The following CAMTA1 variants were observed in gnomAD, a reference collection of about 807,000 sequenced individuals.
The protein encoded by CAMTA1 is calmodulin binding transcription activator 1.
A neutral mutation model predicts 170.9 loss-of-function variants in CAMTA1; 27 were observed. That is an observed-to-expected ratio of 0.16 (90% CI 0.12 to 0.22). The LOEUF (loss-of-function observed/expected upper bound fraction) is 0.22, where lower values mean the gene tolerates loss of function less well. CAMTA1 is among the 10% of genes least tolerant of loss of function. The pLI, the probability that CAMTA1 is intolerant of heterozygous loss-of-function variation, is 1.00. For synonymous variants in CAMTA1, 833 were observed against 891.5 expected (o/e 0.93, Z 1.17); for missense variants, 1,619 against 2,217.2 (o/e 0.73, Z 5.42).
intron 11 of CAMTA1, among the ~76,000 whole-genome samples, chr1:7,689,894 G>A (rs913466655): frequency 5.8e-4 from 88 of 151,990 alleles, no homozygotes; most frequent in African/African-American, 1.6e-3. Context: ...ACAGTGGCTC[G>A]TGCCTGTAAT....
chr1:7,759,454 T>G (rs538466454), intron 22 of CAMTA1, among the ~76,000 whole-genome samples: 2 of 152,202 alleles, frequency 1.3e-5, no homozygotes, highest in African/African-American at 2.4e-5. Context: ...TCTTAATTTA[T>G]CCAGTAACTT....
At chr1:7,360,132 A>C (rs1290015414) in intron 5 of CAMTA1, among the ~76,000 whole-genome samples, 4 of 152,158 alleles carry the variant, frequency 2.6e-5, no homozygotes, top group Non-Finnish European at 5.9e-5. Flanking sequence ...GTAATCAGTC[A>C]TATTGGATTA....
intron 20 of CAMTA1, 84 bp downstream of exon 20, chr1:7,751,476 T>C (rs999794512): frequency 4.7e-6 from 6 of 1,278,410 alleles, no homozygotes; most frequent in East Asian, 2.4e-5. Context: ...TGGGCTGACA[T>C]TGGAGTCTGG....
chr1:6,862,911 C>G lies in CAMTA1; in HGVS notation c.234+37701C>G, dbSNP rs188694929. On this transcript the variant is annotated intron_variant, in intron 3 of 22. Coordinates refer to ENST00000303635, the MANE Select transcript of CAMTA1 (RefSeq NM_015215.4). ...TAATCAAATAATCTCATCTTTTACC[C>G]AAAAAAGATAACTATTTTCTTCGGG... Among the ~76,000 whole-genome samples, 301 of 152,072 alleles carry G rather than the reference C, an allele frequency of 2.0e-3. 1 individual carries two copies. Among genetic ancestry groups the G allele is most frequent in the African/African-American group, 6.9e-3 (288 of 41,482 alleles).
intron 3 of CAMTA1, among the ~76,000 whole-genome samples, chr1:6,936,751 G>A (rs1390032959): frequency 6.6e-6 from 1 of 152,170 alleles, no homozygotes; most frequent in East Asian, 1.9e-4. Context: ...CACTTTGGGA[G>A]GCCGAGGCAG....
intron 5 of CAMTA1, among the ~76,000 whole-genome samples, chr1:7,290,901 A>C (rs1480613430): frequency 2.0e-5 from 3 of 152,072 alleles, no homozygotes; most frequent in African/African-American, 7.2e-5. Context: ...TCATTTTGCA[A>C]ATGAGGAAAT....
At chr1:6,843,936 G>A (rs1656908886) in intron 3 of CAMTA1, among the ~76,000 whole-genome samples, 1 of 152,180 alleles carries the variant, frequency 6.6e-6, no homozygotes, top group Non-Finnish European at 1.5e-5. Flanking sequence ...TACTGCTGAT[G>A]GGAATCTACA....
rs112573665 is a variant in CAMTA1 at position 6,870,853 on chromosome 1, A to C, written c.234+45643A>C. Among the ~76,000 whole-genome samples, 69 of 152,338 alleles carry C rather than the reference A, an allele frequency of 4.5e-4. 1 individual carries two copies. Among genetic ancestry groups the C allele is most frequent in the African/African-American group, 1.6e-3 (66 of 41,576 alleles). On this transcript the variant is annotated intron_variant, in intron 3 of 22. Coordinates refer to ENST00000303635, the MANE Select transcript of CAMTA1 (RefSeq NM_015215.4). ...TGCTAAAGCTTAATTTTTAGACAGG[A>C]GACACTAAAGATGATTGTGTTATGA...
chr1:6,964,374 T>G (rs1207239288), intron 3 of CAMTA1, among the ~76,000 whole-genome samples: 1 of 152,118 alleles, frequency 6.6e-6, no homozygotes, highest in Non-Finnish European at 1.5e-5. Context: ...CTGGCTGTTT[T>G]GTACAGGGGC....
At chr1:7,046,754 T>C (rs1225450889) in intron 3 of CAMTA1, among the ~76,000 whole-genome samples, 1 of 152,194 alleles carries the variant, frequency 6.6e-6, no homozygotes, top group Non-Finnish European at 1.5e-5. Context: ...TCAATAAATA[T>C]GTTTAAATTC....
At chr1:6,802,443 C>G (rs1206004442) in intron 1 of CAMTA1, among the ~76,000 whole-genome samples, 2 of 152,166 alleles carry the variant, frequency 1.3e-5, no homozygotes, top group African/African-American at 2.4e-5. Flanking sequence ...ATCCAGCAGC[C>G]TGCTGATCAT....
chr1:7,521,253 T>A (rs2094361207), intron 6 of CAMTA1, among the ~76,000 whole-genome samples: 1 of 152,200 alleles, frequency 6.6e-6, no homozygotes, highest in Admixed American at 6.5e-5. Context: ...TGATACCCCA[T>A]CAGCGCCCCC....
At chr1:6,933,785 A>C (rs1684841675) in intron 3 of CAMTA1, among the ~76,000 whole-genome samples, 2 of 151,834 alleles carry the variant, frequency 1.3e-5, no homozygotes, top group African/African-American at 4.8e-5. Flanking sequence ...ATCCATATAT[A>C]TGAAGGTCTA....
rs188402334 is a variant in CAMTA1, at chr1:7,637,450, C to T, written c.511-2950C>T. Among the ~76,000 whole-genome samples, 760 of 152,330 alleles carry T rather than the reference C, an allele frequency of 5.0e-3. 12 individuals are homozygous for T. Among genetic ancestry groups the T allele is most frequent in the African/African-American group, 0.018 (733 of 41,586 alleles). On this transcript the variant is annotated intron_variant, in intron 6 of 22. Coordinates refer to ENST00000303635, the MANE Select transcript of CAMTA1 (RefSeq NM_015215.4). ...CACAGGCAGGAGCCCTCAGCCCAGACGCGGTCCCTGGGAGGCCACTATGTT... is the reference window on the plus strand; with the variant it reads ...CACAGGCAGGAGCCCTCAGCCCAGATGCGGTCCCTGGGAGGCCACTATGTT...
chr1:7,502,230 C>A (rs6668329), intron 6 of CAMTA1, among the ~76,000 whole-genome samples: 18,198 of 152,260 alleles, frequency 0.12, 1,192 homozygotes, highest in East Asian at 0.2. Flanking sequence ...CACACCCCTC[C>A]AGACCCTGGC....
intron 5 of CAMTA1, among the ~76,000 whole-genome samples, chr1:7,424,816 GA>G (rs2091785956): frequency 6.6e-6 from 1 of 152,058 alleles, no homozygotes; most frequent in Admixed American, 6.5e-5. Context: ...CTGCAGTGGG[GA>G]AGCCATCCCT....
chr1:7,473,492 C>G (rs948346822), intron 6 of CAMTA1, among the ~76,000 whole-genome samples: 2 of 152,200 alleles, frequency 1.3e-5, no homozygotes, highest in African/African-American at 4.8e-5. Flanking sequence ...CTAGAGAAGC[C>G]ACTTCTGCTC....
At chr1:7,101,870 AC>A (rs2148251079) in intron 4 of CAMTA1, among the ~76,000 whole-genome samples, 1 of 152,368 alleles carries the variant, frequency 6.6e-6, no homozygotes, top group East Asian at 1.9e-4. Context: ...CCCAGGCAAT[AC>A]AGACACGGAG....
chr1:7,543,378 C>G (rs1725263), intron 6 of CAMTA1, among the ~76,000 whole-genome samples: 1 of 152,016 alleles, frequency 6.6e-6, no homozygotes, highest in Admixed American at 6.6e-5. Flanking sequence ...TGAGAATAAT[C>G]CCCAGCAGCA....
Sources: allele counts gnomAD v4.1 joint callset (sites outside exome capture counted in the v4.1 genomes callset), GRCh38; gene constraint gnomAD v4.1.1; transcripts MANE v1.5; gene names NCBI Gene and HGNC (gene_info 2026-07-23, HGNC 2026-07-21).